Variants in NT5M observed in about 807,000 individuals in gnomAD.
The protein encoded by NT5M is 5'(3')-deoxyribonucleotidase, mitochondrial.
Under a neutral mutation model 22.2 loss-of-function variants are expected in NT5M, and 22 were observed. The ratio of observed to expected loss-of-function variants is 0.99; its 90% CI spans 0.71 to 1.41. The LOEUF is 1.41. Among genes scored for constraint, NT5M ranks in the 40% most tolerant of loss-of-function variants. The pLI, the probability that NT5M is intolerant of heterozygous loss-of-function variation, is 0.00. For missense variants in NT5M, 322 were observed against 314.8 expected (o/e 1.02, Z -0.17); for synonymous variants, 167 against 133.0 (o/e 1.26, Z -1.76).
chr17:17,326,924 G>A (rs79580771), intron 3 of NT5M, among the ~76,000 whole-genome samples: 3,168 of 152,254 alleles, frequency 0.021, 53 homozygotes, highest in South Asian at 0.049. Flanking sequence ...TTGTGGGGGA[G>A]TAGGGGAGAC....
At chr17:17,314,518 A>G (rs2048983888) in intron 2 of NT5M, among the ~76,000 whole-genome samples, 1 of 152,166 alleles carries the variant, frequency 6.6e-6, no homozygotes, top group African/African-American at 2.4e-5. Context: ...TTACAAATTG[A>G]TATGCTCCAC....
At chr17:17,306,372 G>C (rs2048800887) in intron 1 of NT5M, among the ~76,000 whole-genome samples, 171 bp from the exon 2 acceptor site, 1 of 152,058 alleles carries the variant, frequency 6.6e-6, no homozygotes, top group African/African-American at 2.4e-5. Flanking sequence ...AAAGGGGTTC[G>C]AAGTCCACAT....
Position 17,338,674 on chromosome 17 carries a change from A to G in NT5M, c.430-6120A>G, listed in dbSNP as rs28880443. Among the ~76,000 whole-genome samples the G allele has an allele frequency of 6.6e-4, 48 of 72,928 alleles. 1 individual carries two copies. Among genetic ancestry groups the G allele is most frequent in the African/African-American group, 2.2e-3 (26 of 11,804 alleles). 47.8% of individuals were successfully genotyped at this position (72,928 alleles called of 152,430 possible). On this transcript the variant is annotated intron_variant, in intron 3 of 4. Transcript: ENST00000389022. The stretch of plus-strand genomic sequence containing the variant: ...TTTTTGTGGTTCTATGTAAATGTTA[A>G]GGGTTTTTTTTTTTTTTTTTTTTTT...
At position 17,311,388 on chromosome 17, in the gene NT5M, T is replaced by A. The variant is rs952985221; in HGVS notation, c.368+4745T>A. 4.6e-4 allele frequency among the ~76,000 whole-genome samples: 70 copies of A among 151,922 alleles called. 2 individuals are homozygous for A. Among genetic ancestry groups the A allele is most frequent in the Non-Finnish European group, 5.9e-5 (4 of 67,984 alleles). On this transcript the variant is annotated intron_variant, in intron 2 of 4. Coordinates refer to ENST00000389022, the MANE Select transcript of NT5M (RefSeq NM_020201.4). ...TTAGCTCTTCCATTTAGGCCTATGATCCATTTTGAGTTAATTTTTGTATAT... is the reference window on the plus strand; with the variant it reads ...TTAGCTCTTCCATTTAGGCCTATGAACCATTTTGAGTTAATTTTTGTATAT...
chr17:17,331,478 A>T (rs184252082), intron 3 of NT5M, among the ~76,000 whole-genome samples: 12 of 151,906 alleles, frequency 7.9e-5, no homozygotes, highest in Non-Finnish European at 1.8e-4. Context: ...AATAAAATAA[A>T]ATTGGCTGTT....
At chr17:17,344,982 C>T in intron 4 of NT5M, 74 bp downstream of exon 4, 1 of 1,591,966 alleles carries the variant, frequency 6.3e-7, no homozygotes, top group Non-Finnish European at 8.6e-7. Context: ...GGGCAGTGAG[C>T]ACTCAGTTGC....
Position 17,303,602 on chromosome 17 carries a change from C to A in NT5M, c.52C>A (p.Pro18Thr), listed in dbSNP as rs2048726480. The change falls in exon 1 of 5, where the codon CCC becomes ACC. Residue 18 changes from proline to threonine, a missense_variant. Physicochemically the swap from Pro to Thr is conservative, Grantham distance 38 (BLOSUM62 -1). Transcript: ENST00000389022. ...GCGGCGGCTCTGCAGCGCGGCGGTTCCCGCGGGGCGGCGCGGGGCGGCGGG... is the reference window on the plus strand; with the variant it reads ...GCGGCGGCTCTGCAGCGCGGCGGTTACCGCGGGGCGGCGCGGGGCGGCGGG... ...CARRLCSAAV[P>T]AGRRGAAGGL... 4.1e-6 allele frequency: 5 copies of A among 1,225,900 alleles called. No homozygotes were observed. The highest frequency in any genetic ancestry group is 1.6e-5 in the African/African-American group (1 of 62,874). The allele number at this position is 1,225,900 out of a possible 1,614,324, so 75.9% of individuals were successfully genotyped here. A position where few individuals can be genotyped will look rare whatever the true frequency, so the allele number is the denominator to read the frequency against.
rs150074159 is a variant in NT5M at position 17,330,630 on chromosome 17, C to A, written c.429+7385C>A. Among the ~76,000 whole-genome samples, 567 of 152,232 alleles carry A rather than the reference C, an allele frequency of 3.7e-3. 3 individuals carry two copies. The highest frequency in any genetic ancestry group is 0.013 in the African/African-American group (543 of 41,546). Reference sequence around the variant, plus strand: ...ACCTCAGGTGATCCATCTGCCTCAGCCCCGCAAAGTGCTGGGATTACAGGT... The same window carrying A: ...ACCTCAGGTGATCCATCTGCCTCAGACCCGCAAAGTGCTGGGATTACAGGT... On this transcript the variant is annotated intron_variant, in intron 3 of 4. Transcript: ENST00000389022.
chr17:17,303,394 C>T lies in NT5M; in HGVS notation c.-157C>T. 4 of 896,522 alleles carry T rather than the reference C, an allele frequency of 4.5e-6. No homozygotes were observed. Among genetic ancestry groups the T allele is most frequent in the Non-Finnish European group, 5.4e-6 (4 of 746,762 alleles). 55.5% of individuals were successfully genotyped at this position (896,522 alleles called of 1,614,324 possible). A position where few individuals can be genotyped will look rare whatever the true frequency, so the allele number is the denominator to read the frequency against. ...CCTCGCTCTGGGGCCGGTACTTGCG[C>T]GCCCGCACCCCGCGCTCCCCGCCCC... On this transcript the variant is annotated 5_prime_UTR_variant, in exon 1 of 5. Coordinates refer to ENST00000389022, the MANE Select transcript of NT5M (RefSeq NM_020201.4).
intron 2 of NT5M, among the ~76,000 whole-genome samples, chr17:17,314,874 C>G (rs1462961946): frequency 6.6e-6 from 1 of 152,200 alleles, no homozygotes. Flanking sequence ...AGAGGCCTTC[C>G]CTGACCACTG....
chr17:17,308,343 C>G (rs1429924409), intron 2 of NT5M, among the ~76,000 whole-genome samples: 1 of 152,064 alleles, frequency 6.6e-6, no homozygotes, highest in Non-Finnish European at 1.5e-5. Context: ...CCTACAATCC[C>G]AGCACTTTGG....
chr17:17,325,647 C>T (rs1172280062), intron 3 of NT5M, among the ~76,000 whole-genome samples: 1 of 152,202 alleles, frequency 6.6e-6, no homozygotes. Flanking sequence ...CAGCTCCTGA[C>T]TTGAAACCTC....
rs1292725645 is a variant in NT5M, at chr17:17,306,538, C to T, written c.268-5C>T. The T allele has an allele frequency of 2.0e-5, 32 of 1,611,324 alleles. No homozygotes were observed. Among genetic ancestry groups the T allele is most frequent in the Non-Finnish European group, 2.7e-5 (32 of 1,177,578 alleles). On this transcript the variant is annotated splice_region_variant and splice_polypyrimidine_tract_variant and intron_variant, in intron 1 of 4. Coordinates refer to ENST00000389022, the MANE Select transcript of NT5M (RefSeq NM_020201.4). The stretch of plus-strand genomic sequence containing the variant: ...GGAAGTAACTTGCTTTTCTCAACTT[C>T]TCAGGAGAAGGCCATCAGCATTTGG...
rs1292149560 is a variant in NT5M, at chr17:17,347,409, A to T, written c.*462A>T. 3.5e-5 allele frequency: 6 copies of T among 171,974 alleles called. No homozygotes were observed. Among genetic ancestry groups the T allele is most frequent in the African/African-American group, 1.4e-4 (6 of 41,642 alleles). 10.7% of individuals were successfully genotyped at this position (171,974 alleles called of 1,614,324 possible). On this transcript the variant is annotated 3_prime_UTR_variant, in exon 5 of 5. Transcript: ENST00000389022. ...ACAAGCCCCTCTTGGTCTCAGCCAC[A>T]GCACCCCTTATTCCAGCTGCCCTGC...
intron 3 of NT5M, among the ~76,000 whole-genome samples, chr17:17,342,279 C>T (rs755694286): frequency 4.6e-5 from 7 of 152,128 alleles, no homozygotes; most frequent in Non-Finnish European, 1.0e-4. Flanking sequence ...TTTATGTGAC[C>T]CCTGATAAGT....
At chr17:17,316,392 C>G (rs1257522763) in intron 2 of NT5M, among the ~76,000 whole-genome samples, 1 of 82,520 alleles carries the variant, frequency 1.2e-5, no homozygotes, top group Non-Finnish European at 2.8e-5. Context: ...TTTATTTATT[C>G]GAGACAGAGT....
chr17:17,313,869 G>A (rs773984470), intron 2 of NT5M, among the ~76,000 whole-genome samples: 6 of 152,100 alleles, frequency 3.9e-5, no homozygotes, highest in Non-Finnish European at 8.8e-5. Flanking sequence ...TTGAGCAGAC[G>A]CCCAGGGGAC....
chr17:17,322,248 A>G (rs1181452484), intron 2 of NT5M, among the ~76,000 whole-genome samples: 3 of 152,100 alleles, frequency 2.0e-5, no homozygotes, highest in Non-Finnish European at 2.9e-5. Context: ...CATTGGCATC[A>G]GGGATCTGGA....
At chr17:17,317,740 G>A (rs993277275) in intron 2 of NT5M, among the ~76,000 whole-genome samples, 5 of 151,500 alleles carry the variant, frequency 3.3e-5, no homozygotes, top group African/African-American at 1.2e-4. Flanking sequence ...CATGGAGGGC[G>A]AATCACCTGA....
Sources: allele counts gnomAD v4.1 joint callset (sites outside exome capture counted in the v4.1 genomes callset), GRCh38; gene constraint gnomAD v4.1.1; transcripts MANE v1.5; gene names NCBI Gene and HGNC (gene_info 2026-07-23, HGNC 2026-07-21).